PRDM2: variants seen among roughly 807,000 people sequenced by gnomAD.
PRDM2 encodes the protein PR/SET domain 2.
A neutral mutation model predicts 130.0 loss-of-function variants in PRDM2; 30 were observed. The observed-to-expected ratio is 0.23, with a 90% CI of 0.17 to 0.31. PRDM2 has a LOEUF of 0.31. Among genes scored for constraint, PRDM2 ranks in the 10% least tolerant of loss-of-function variants. PRDM2 has a pLI of 1.00. For synonymous variants in PRDM2, 871 were observed against 782.4 expected (o/e 1.11, Z -1.89); for missense variants, 2,011 against 2,108.4 (o/e 0.95, Z 0.90).
chr1:13,747,892 C>A (rs1046247165), intron 5 of PRDM2, among the ~76,000 whole-genome samples: 12 of 152,250 alleles, frequency 7.9e-5, no homozygotes, highest in Admixed American at 5.9e-4. Context: ...AATATGTACA[C>A]CTTACTCAGG....
At chr1:13,701,649 A>T (rs1047153982) in intron 1 of PRDM2, among the ~76,000 whole-genome samples, 3 of 152,194 alleles carry the variant, frequency 2.0e-5, no homozygotes, top group African/African-American at 7.2e-5. Context: ...TAGCCTTGAG[A>T]TGACCTTTAA....
At chr1:13,765,303 T>G (rs1644198384) in intron 6 of PRDM2, among the ~76,000 whole-genome samples, 1 of 152,178 alleles carries the variant, frequency 6.6e-6, no homozygotes, top group African/African-American at 2.4e-5. Flanking sequence ...AACTGTTAAT[T>G]CCTTATGGAA....
At position 13,779,152 on chromosome 1, in the gene PRDM2, C is replaced by T. The variant is rs769490413; in HGVS notation, c.1357C>T (p.Pro453Ser). 5 of 1,614,044 alleles carry T rather than the reference C, an allele frequency of 3.1e-6. No individual in the cohort carries two copies. Reference sequence around the variant, plus strand: ...TGATTCGAGTCCTCCCAGTCTTGGGCCAGACTGTCTGATCATGAATTCAGA... The same window carrying T: ...TGATTCGAGTCCTCCCAGTCTTGGGTCAGACTGTCTGATCATGAATTCAGA... Reference protein sequence around the residue: ...KDDSSPPSLGPDCLIMNSEKA... With the variant: ...KDDSSPPSLGSDCLIMNSEKA... Residue 453 changes from proline to serine, a missense_variant, in exon 8 of 10, where the codon CCA becomes TCA. Physicochemically the swap from Pro to Ser is moderately conservative, Grantham distance 74. Transcript: ENST00000311066. The surrounding 1 kb of genome is among the most constrained non-coding windows in gnomAD (Gnocchi z 4.9).
At chr1:13,791,867 G>C (rs781778394) in intron 8 of PRDM2, among the ~76,000 whole-genome samples, 9 of 152,282 alleles carry the variant, frequency 5.9e-5, no homozygotes, top group Non-Finnish European at 1.3e-4. Context: ...ATGTCAGCTG[G>C]ATTTCTTTTC....
In PRDM2 at chr1:13,730,995, T is replaced by TG. The variant is rs1643086580; in HGVS notation, c.10-4dup. The stretch of plus-strand genomic sequence containing the variant: ...GCTGTGATCCTTCCATTTCTTGACT[T>TG]GCAGAACACTACTGAGCCTGTGGCG... On this transcript the variant is annotated splice_polypyrimidine_tract_variant and splice_region_variant and intron_variant, in intron 2 of 9. Coordinates refer to ENST00000311066, the MANE Select transcript of PRDM2 (RefSeq NM_001393986.1). 6.3e-7 allele frequency: 1 copy of TG among 1,577,322 alleles called. No individual in the cohort carries two copies. Among genetic ancestry groups the TG allele is most frequent in the Admixed American group, 1.9e-5 (1 of 51,874 alleles).
At chr1:13,729,145 A>T (rs897842010) in intron 2 of PRDM2, among the ~76,000 whole-genome samples, 1 of 152,186 alleles carries the variant, frequency 6.6e-6, no homozygotes, top group Non-Finnish European at 1.5e-5. Context: ...CTCTTGGACT[A>T]TTTGGAGTAC....
chr1:13,703,414 G>GT (rs1642123648), intron 1 of PRDM2, among the ~76,000 whole-genome samples: 1 of 152,210 alleles, frequency 6.6e-6, no homozygotes, highest in African/African-American at 2.4e-5. Flanking sequence ...TAACTGTATG[G>GT]TTGAATTATT....
At chr1:13,750,896 A>G (rs1266435900) in intron 6 of PRDM2, among the ~76,000 whole-genome samples, 5 of 151,700 alleles carry the variant, frequency 3.3e-5, no homozygotes, top group Non-Finnish European at 7.4e-5. Flanking sequence ...TTTAGTATTC[A>G]TTTTGTTTAT....
chr1:13,761,931 C>T (rs1644107499), intron 6 of PRDM2, among the ~76,000 whole-genome samples: 1 of 152,110 alleles, frequency 6.6e-6, no homozygotes, highest in South Asian at 2.1e-4. Context: ...GGGTGGGATC[C>T]TGTGAATCAG....
chr1:13,704,483 C>T (rs1642151123), intron 1 of PRDM2, among the ~76,000 whole-genome samples: 1 of 152,114 alleles, frequency 6.6e-6, no homozygotes, highest in South Asian at 2.1e-4. Context: ...TTATTATTTT[C>T]CAGCCATTTT....
chr1:13,749,499 C>A lies in PRDM2; in HGVS notation c.511+12C>A, dbSNP rs779322475. On this transcript the variant is annotated intron_variant, in intron 6 of 9. Transcript: ENST00000311066. ...CAAGAGCCGGAAAGGTAGGAGCCCC[C>A]CGGCCCGCCCGCCCGGCCCCGGCGC... is the stretch of plus-strand genomic sequence containing the variant. 1.5e-6 allele frequency: 2 copies of A among 1,352,572 alleles called. No homozygotes were observed. Among genetic ancestry groups the A allele is most frequent in the Non-Finnish European group, 1.9e-6 (2 of 1,028,708 alleles). The allele number at this position is 1,352,572 out of a possible 1,614,324, so 83.8% of individuals were successfully genotyped here.
rs549705888 is a variant in PRDM2, at chr1:13,795,818, G to A, written c.5036+12987G>A. On this transcript the variant is annotated intron_variant, in intron 8 of 9. Transcript: ENST00000311066. ...AGAGGATGGATGAACCTACTCTCTA[G>A]GGTCAACTTCTCCCCCTTCTATTTT... 3.3e-5 allele frequency among the ~76,000 whole-genome samples: 5 copies of A among 152,304 alleles called. No individual in the cohort carries two copies. The South Asian group carries it at 1.0e-3, about 32-fold the overall frequency.
rs1426280585 is a variant in PRDM2 at position 13,823,858 on chromosome 1, A to T, written c.*723A>T. ...GGAGAAAGACTTTGTCCCCACTTAC[A>T]GATCTATCTCCTCCCTTGGGAAGGG... On this transcript the variant is annotated 3_prime_UTR_variant, in exon 10 of 10. Transcript: ENST00000311066. 6.6e-6 allele frequency: 1 copy of T among 152,268 alleles called. No individual in the cohort carries two copies. The highest frequency in any genetic ancestry group is 1.5e-5 in the Non-Finnish European group (1 of 68,168). 9.4% of individuals were successfully genotyped at this position (152,268 alleles called of 1,614,324 possible). A position where few individuals can be genotyped will look rare whatever the true frequency, so the allele number is the denominator to read the frequency against.
intron 6 of PRDM2, among the ~76,000 whole-genome samples, chr1:13,765,396 C>T (rs1176669072): frequency 1.3e-5 from 2 of 152,210 alleles, no homozygotes; most frequent in East Asian, 1.9e-4. Flanking sequence ...CTACTAGGCA[C>T]ATATGCAGCA....
intron 1 of PRDM2, among the ~76,000 whole-genome samples, chr1:13,709,018 T>C (rs2495057): frequency 0.08 from 12,182 of 152,284 alleles, 754 homozygotes; most frequent in African/African-American, 0.17. Flanking sequence ...CTTGTGAAAT[T>C]GTATTATTTT....
In PRDM2 at chr1:13,780,585, C is replaced by T. The variant is rs1379616957; in HGVS notation, c.2790C>T (p.Gly930=). The stretch of plus-strand genomic sequence containing the variant: ...AGCCAGATCCTGACCTCGGTCCGGG[C>T]TCTGGTTTCCCTGCCCCTACTGTTG... ...EAQPDPDLGP[G]SGFPAPTVES... Residue 930 remains glycine (G), a synonymous_variant, in exon 8 of 10, where the codon GGC becomes GGT. Coordinates refer to ENST00000311066, the MANE Select transcript of PRDM2 (RefSeq NM_001393986.1). 6.2e-7 allele frequency: 1 copy of T among 1,614,116 alleles called. No individual in the cohort carries two copies. The highest frequency in any genetic ancestry group is 8.5e-7 in the Non-Finnish European group (1 of 1,180,014).
At chr1:13,711,586 C>G (rs1642372802) in intron 1 of PRDM2, among the ~76,000 whole-genome samples, 1 of 152,222 alleles carries the variant, frequency 6.6e-6, no homozygotes, top group African/African-American at 2.4e-5. Context: ...TGCAGGGTTC[C>G]TCTGTTGAGA....
At chr1:13,708,860 C>G (rs1380940289) in intron 1 of PRDM2, among the ~76,000 whole-genome samples, 1 of 152,192 alleles carries the variant, frequency 6.6e-6, no homozygotes, top group African/African-American at 2.4e-5. Flanking sequence ...CCTTTCCTGT[C>G]TGCGCAGTCT....
At chr1:13,813,964 G>A (rs1391889338) in intron 8 of PRDM2, among the ~76,000 whole-genome samples, 1 of 152,204 alleles carries the variant, frequency 6.6e-6, no homozygotes, top group African/African-American at 2.4e-5. Context: ...AGCAGAGAAA[G>A]GGAGAAGCTG....
Sources: gnomAD v4.1 joint callset for allele counts (sites outside exome capture counted in the v4.1 genomes callset) on GRCh38, gnomAD v4.1.1 for gene constraint, Gnocchi (gnomAD v3.1) non-coding constraint, MANE v1.5 for transcripts, NCBI Gene and HGNC (gene_info 2026-07-23, HGNC 2026-07-21) for gene names.